Variants in SCAF11 observed in about 807,000 individuals in gnomAD.
The protein encoded by SCAF11 is protein SCAF11.
Under a neutral mutation model 140.5 loss-of-function variants are expected in SCAF11, and 47 were observed. The ratio of observed to expected loss-of-function variants is 0.33; its 90% CI spans 0.26 to 0.43. The LOEUF (loss-of-function observed/expected upper bound fraction) is 0.43. SCAF11 is among the 20% of genes least tolerant of loss of function. The pLI, the probability that SCAF11 is intolerant of heterozygous loss-of-function variation, is 1.00. For missense variants in SCAF11, 1,645 were observed against 1,705.1 expected (o/e 0.96, Z 0.62); for synonymous variants, 557 against 579.4 (o/e 0.96, Z 0.55).
Position 45,972,923 on chromosome 12 carries a change from TATATAGATATATATAG to T in SCAF11, c.-21-8751_-21-8736del, listed in dbSNP as rs1565688980. ...ATATATATATAGATATATATATAGA[TATATAGATATATATAG>T]ATATATATATAGATATATAGATATA... On this transcript the variant is annotated intron_variant, in intron 1 of 14. Transcript: ENST00000369367. Among the ~76,000 whole-genome samples the T allele has an allele frequency of 3.3e-3, 263 of 79,310 alleles. 21 individuals carry two copies. Among genetic ancestry groups the T allele is most frequent in the African/African-American group, 0.017 (247 of 14,298 alleles). 52.0% of individuals were successfully genotyped at this position (79,310 alleles called of 152,430 possible). A position where few individuals can be genotyped will look rare whatever the true frequency, so the allele number is the denominator to read the frequency against.
chr12:45,988,946 C>T (rs894762161), intron 1 of SCAF11, among the ~76,000 whole-genome samples: 9 of 152,092 alleles, frequency 5.9e-5, no homozygotes, highest in Non-Finnish European at 1.2e-4. Flanking sequence ...TAATATAAAA[C>T]AAAAGAAATC....
intron 1 of SCAF11, among the ~76,000 whole-genome samples, chr12:45,964,872 A>G (rs1448116269): frequency 2.0e-5 from 3 of 152,148 alleles, no homozygotes; most frequent in East Asian, 1.9e-4. Context: ...GAAATACAAT[A>G]ACATTTAGCT....
intron 1 of SCAF11, among the ~76,000 whole-genome samples, chr12:45,990,008 G>A (rs890929892): frequency 1.3e-5 from 2 of 151,912 alleles, no homozygotes; most frequent in Non-Finnish European, 2.9e-5. Flanking sequence ...CACCCGGACG[G>A]GGACAGGCTT....
chr12:45,942,152 C>T (rs1945316502), intron 6 of SCAF11, among the ~76,000 whole-genome samples: 1 of 152,148 alleles, frequency 6.6e-6, no homozygotes, highest in Admixed American at 6.5e-5. Context: ...GTAAGGTTTC[C>T]AGTCAACAGG....
At chr12:45,959,834 C>G (rs1945783103) in intron 3 of SCAF11, among the ~76,000 whole-genome samples, 1 of 152,192 alleles carries the variant, frequency 6.6e-6, no homozygotes, top group East Asian at 1.9e-4. Context: ...CTATCCCCAT[C>G]AGGGACAACG....
chr12:45,928,858 A>C lies in SCAF11; in HGVS notation c.843T>G (p.Gly281=), dbSNP rs1944969691. Residue 281 remains glycine (G), a splice_region_variant and synonymous_variant, in exon 11 of 15, where the codon GGT becomes GGG. Transcript: ENST00000369367. ...CTAATGCATATCCCTTGCAAGAAGTACCTAATAATATTTAAAAAAAAAAAA... is the reference window on the plus strand; with the variant it reads ...CTAATGCATATCCCTTGCAAGAAGTCCCTAATAATATTTAAAAAAAAAAAA... ...PTSTISFEHF[G]TSCKGYALAH... 6.9e-7 allele frequency: 1 copy of C among 1,444,058 alleles called. No homozygotes were observed. The highest frequency in any genetic ancestry group is 9.2e-7 in the Non-Finnish European group (1 of 1,091,974). The allele number at this position is 1,444,058 out of a possible 1,614,324, so 89.5% of individuals were successfully genotyped here.
intron 6 of SCAF11, among the ~76,000 whole-genome samples, chr12:45,940,127 A>G (rs1443470326): frequency 3.3e-5 from 5 of 152,220 alleles, no homozygotes; most frequent in Non-Finnish European, 7.3e-5. Context: ...AAGAAACCTC[A>G]TAAGAAATGT....
At chr12:45,947,557 C>G (rs1945452238) in intron 5 of SCAF11, among the ~76,000 whole-genome samples, 2 of 152,182 alleles carry the variant, frequency 1.3e-5, no homozygotes, top group Non-Finnish European at 2.9e-5. Flanking sequence ...GTATTCCGTA[C>G]TTTTTGTCCA....
In SCAF11 at chr12:45,924,903, C is replaced by T. The variant is rs762262046; in HGVS notation, c.3731G>A (p.Arg1244His). 6.2e-6 allele frequency: 10 copies of T among 1,613,820 alleles called. No homozygotes were observed. The African/African-American group carries it at 6.7e-5, about 11-fold the overall frequency. Residue 1244 changes from arginine to histidine, a missense_variant, in exon 12 of 15, where the codon CGC becomes CAC. Arg to His is a conservative substitution (Grantham distance 29). Transcript: ENST00000369367. Reference protein sequence around the residue: ...GVHAPLMNIQRNPFNIHPQLP... With the variant: ...GVHAPLMNIQHNPFNIHPQLP... ...CTGAGGATGAATGTTAAATGGATTG[C>T]GTTGGATGTTCATCAAAGGAGCATG... is the stretch of plus-strand genomic sequence containing the variant.
chr12:45,990,602 TCCCTCCCCTC>T, upstream of SCAF11: 1 of 1,220,732 alleles, frequency 8.2e-7, no homozygotes, highest in South Asian at 4.3e-5. Context: ...TCTAGCCTCC[TCCCTCCCCTC>T]CCCTCCCTGC....
At chr12:45,957,677 A>T (rs564509586) in intron 3 of SCAF11, among the ~76,000 whole-genome samples, 1 of 152,316 alleles carries the variant, frequency 6.6e-6, no homozygotes, top group East Asian at 1.9e-4. Flanking sequence ...ATTTTTAAAA[A>T]TAATACTTAA....
rs573489815 is a variant in SCAF11, at chr12:45,982,882, G to C, written c.-22+7471C>G. On this transcript the variant is annotated intron_variant, in intron 1 of 14. Transcript: ENST00000369367. ...GAGCCTGGTATTGGAATATAAAGAC[G>C]GATTAAGATACTGTATCACTTCCCG... Among the ~76,000 whole-genome samples the C allele has an allele frequency of 3.9e-5, 6 of 152,212 alleles. No homozygotes were observed. The East Asian group carries it at 1.2e-3, about 29-fold the overall frequency.
Position 45,990,539 on chromosome 12 carries a change from T to C in SCAF11, c.-208A>G. The C allele has an allele frequency of 2.4e-6, 3 of 1,231,772 alleles. No homozygotes were observed. Among genetic ancestry groups the C allele is most frequent in the Non-Finnish European group, 3.0e-6 (3 of 988,154 alleles). 76.3% of individuals were successfully genotyped at this position (1,231,772 alleles called of 1,614,324 possible). ...GCGGCGAAGCAGGGAGCGACCCAGG[T>C]TGCGCTGCTCCGCGCGGCTTAAGCC... On this transcript the variant is annotated 5_prime_UTR_variant, in exon 1 of 15. Transcript: ENST00000369367.
At chr12:45,983,375 G>A (rs1258224514) in intron 1 of SCAF11, among the ~76,000 whole-genome samples, 2 of 152,126 alleles carry the variant, frequency 1.3e-5, no homozygotes, top group Non-Finnish European at 2.9e-5. Context: ...CAAACCTGGA[G>A]TTCAGAACTA....
intron 1 of SCAF11, among the ~76,000 whole-genome samples, chr12:45,977,603 G>A (rs963289607): frequency 6.6e-6 from 1 of 152,132 alleles, no homozygotes; most frequent in South Asian, 2.1e-4. Context: ...AGACTAACAT[G>A]AGAGCAATTT....
At chr12:45,953,739 C>G in intron 3 of SCAF11, 1 of 330,068 alleles carries the variant, frequency 3.0e-6, no homozygotes, top group Non-Finnish European at 5.8e-6. Context: ...TACTGTGCTA[C>G]TTTCGTATCT....
chr12:45,968,325 C>T (rs912897520), intron 1 of SCAF11, among the ~76,000 whole-genome samples: 1 of 152,054 alleles, frequency 6.6e-6, no homozygotes, highest in Non-Finnish European at 1.5e-5. Context: ...TCTTTCCAAG[C>T]TAAAATATCT....
chr12:45,922,513 C>A lies in SCAF11; in HGVS notation c.4195G>T (p.Asp1399Tyr), dbSNP rs1302136401. ...TCTTTATATTCTTCCTTGGTGATAT[C>A]TTTATTTTGGTAAAATGGCTTGATG... ...LAIKPFYQNK[D>Y]ITKEEYKEIV... Residue 1399 changes from aspartate (D) to tyrosine (Y), a missense_variant, in exon 14 of 15, where the codon GAT becomes TAT. By Grantham distance (160) the Asp-to-Tyr change is radical. Transcript: ENST00000369367. 6.3e-7 allele frequency: 1 copy of A among 1,599,974 alleles called. No individual in the cohort carries two copies.
chr12:45,954,959 AT>A (rs1040092905), intron 3 of SCAF11: 7 of 151,524 alleles, frequency 4.6e-5, no homozygotes, highest in African/African-American at 1.7e-4. Context: ...CTTAAGCATA[AT>A]TGTCTTAGGT....
Sources: allele counts gnomAD v4.1 joint callset (sites outside exome capture counted in the v4.1 genomes callset), GRCh38; gene constraint gnomAD v4.1.1; transcripts MANE v1.5; gene names NCBI Gene and HGNC (gene_info 2026-07-23, HGNC 2026-07-21).